Variants in NUMB observed in about 807,000 individuals in gnomAD.
The protein encoded by NUMB is protein numb homolog.
A neutral mutation model predicts 59.7 loss-of-function variants in NUMB; 29 were observed. That is an observed-to-expected ratio of 0.49 (90% CI 0.36 to 0.66). NUMB has a LOEUF of 0.66. Among genes scored for constraint, NUMB ranks in the 30% least tolerant of loss-of-function variants. The pLI, the probability that NUMB is intolerant of heterozygous loss-of-function variation, is 0.00. For synonymous variants in NUMB, 288 were observed against 288.2 expected, an observed-to-expected ratio of 1.00 and a Z score of 0.01; for missense variants, 723 against 822.0, an observed-to-expected ratio of 0.88 and a Z score of 1.47.
At position 73,355,742 on chromosome 14, in the gene NUMB, A is replaced by G; in HGVS notation, c.10T>C (p.Leu4=). The part of the protein sequence containing the change: MNK[L]RQSFRRKKDV... ...TTCTTTCTCCTAAAACTTTGCCGTA[A>G]TTTGTTCATTTTAATTTTTACAGCC... Residue 4 remains leucine (L), a synonymous_variant, in exon 4 of 13, where the codon TTA becomes CTA. Coordinates refer to ENST00000555238, the MANE Select transcript of NUMB (RefSeq NM_001005743.2). 1 of 1,611,404 alleles carries G rather than the reference A, an allele frequency of 6.2e-7. No homozygotes were observed. Among genetic ancestry groups the G allele is most frequent in the Non-Finnish European group, 8.5e-7 (1 of 1,178,312 alleles).
intron 4 of NUMB, among the ~76,000 whole-genome samples, chr14:73,332,499 T>C (rs928678736): frequency 2.0e-5 from 3 of 151,906 alleles, no homozygotes; most frequent in Non-Finnish European, 4.4e-5. Context: ...GATGATCAGA[T>C]GATCCATCCA....
intron 2 of NUMB, among the ~76,000 whole-genome samples, chr14:73,386,421 G>A (rs144898830): frequency 6.6e-6 from 1 of 152,024 alleles, no homozygotes; most frequent in African/African-American, 2.4e-5. Context: ...CACCACCAGA[G>A]AAAGAAGTTG....
At chr14:73,282,034 A>G (rs1392711546) in intron 11 of NUMB, among the ~76,000 whole-genome samples, 1 of 152,198 alleles carries the variant, frequency 6.6e-6, no homozygotes, top group African/African-American at 2.4e-5. Context: ...TCTGATGACT[A>G]CTGCTTTTGG....
chr14:73,309,468 G>A lies in NUMB; in HGVS notation c.234+6922C>T, dbSNP rs142250690. ...CCATCATTCTCAGCAAACTAACACA[G>A]GAACAGAAAACCAAATACCACCTGT... On this transcript the variant is annotated intron_variant, in intron 6 of 12. Transcript: ENST00000555238. Among the ~76,000 whole-genome samples, 22 of 152,062 alleles carry A rather than the reference G, an allele frequency of 1.4e-4. No individual in the cohort carries two copies. In the East Asian group the frequency reaches 4.2e-3, roughly 29 times the overall value.
intron 6 of NUMB, among the ~76,000 whole-genome samples, chr14:73,303,109 T>C (rs933852551): frequency 2.0e-5 from 3 of 151,782 alleles, no homozygotes; most frequent in African/African-American, 7.3e-5. Context: ...TCCCAGCTAC[T>C]TGGGAGGGTG....
chr14:73,403,910 T>C (rs1896535213), intron 2 of NUMB, among the ~76,000 whole-genome samples: 1 of 151,380 alleles, frequency 6.6e-6, no homozygotes, highest in Non-Finnish European at 1.5e-5. Flanking sequence ...CTGGCCAATA[T>C]GCTGAAACCC....
In NUMB at chr14:73,355,054, T is replaced by A. The variant is rs975016959; in HGVS notation, c.126+572A>T. 2.0e-5 allele frequency among the ~76,000 whole-genome samples: 3 copies of A among 152,154 alleles called. No individual in the cohort carries two copies. In the East Asian group the frequency reaches 5.8e-4, roughly 29 times the overall value. On this transcript the variant is annotated intron_variant, in intron 4 of 12. Transcript: ENST00000555238. ...TCTTTCATTTCACTAAAATATGACCTGTCTCAGGCAATACAAAGAAAAGCA... is the reference window on the plus strand; with the variant it reads ...TCTTTCATTTCACTAAAATATGACCAGTCTCAGGCAATACAAAGAAAAGCA...
chr14:73,456,431 G>C (rs886356318), intron 1 of NUMB, among the ~76,000 whole-genome samples: 2 of 152,138 alleles, frequency 1.3e-5, no homozygotes, highest in African/African-American at 4.8e-5. Flanking sequence ...TTAACTGTAA[G>C]AAATATATTT....
chr14:73,328,413 T>C lies in NUMB; in HGVS notation c.127-5209A>G, dbSNP rs144592351. On this transcript the variant is annotated intron_variant, in intron 4 of 12. Transcript: ENST00000555238. ...ATATCTTGGTTATTTCCGGTTTTGG[T>C]GATAATAAATAAAGCCATACTATTC... Among the ~76,000 whole-genome samples the C allele has an allele frequency of 1.1e-3, 171 of 152,230 alleles. 3 individuals carry two copies. The East Asian group carries it at 0.027, about 24-fold the overall frequency.
At chr14:73,429,146 C>T (rs1171314334) in intron 1 of NUMB, among the ~76,000 whole-genome samples, 21 of 151,550 alleles carry the variant, frequency 1.4e-4, no homozygotes, top group Admixed American at 2.0e-4. Context: ...CCGAGGCGGG[C>T]GGATCGCGAG....
intron 1 of NUMB, among the ~76,000 whole-genome samples, chr14:73,423,921 G>T (rs981418956): frequency 2.1e-5 from 3 of 145,002 alleles, no homozygotes; most frequent in Non-Finnish European, 4.5e-5. Flanking sequence ...AGCTGAGATT[G>T]CGCCATTGGA....
At chr14:73,277,900 AT>A (rs1342247182) in intron 12 of NUMB, among the ~76,000 whole-genome samples, 1 of 152,082 alleles carries the variant, frequency 6.6e-6, no homozygotes, top group African/African-American at 2.4e-5. Flanking sequence ...TCTACTAAAA[AT>A]ACAAAAATTA....
intron 1 of NUMB, among the ~76,000 whole-genome samples, chr14:73,452,434 C>T (rs1291473930): frequency 6.6e-6 from 1 of 152,000 alleles, no homozygotes; most frequent in Admixed American, 6.6e-5. Flanking sequence ...GCAGAAGGAT[C>T]ACCTGAGCCC....
rs138818294 is a variant in NUMB, at chr14:73,312,539, C to A, written c.234+3851G>T. On this transcript the variant is annotated intron_variant, in intron 6 of 12. Coordinates refer to ENST00000555238, the MANE Select transcript of NUMB (RefSeq NM_001005743.2). Reference sequence around the variant, plus strand: ...GACCAGCCTGGGCAACATGGTGAAACCCTGTCTCTACAAAAAACACAAAAA... The same window carrying A: ...GACCAGCCTGGGCAACATGGTGAAAACCTGTCTCTACAAAAAACACAAAAA... Among the ~76,000 whole-genome samples the A allele has an allele frequency of 4.5e-3, 692 of 152,190 alleles. 3 individuals are homozygous for A. Among genetic ancestry groups the A allele is most frequent in the African/African-American group, 0.016 (659 of 41,542 alleles).
At chr14:73,297,081 C>A (rs1339098603) in intron 7 of NUMB, 130 bp downstream of exon 7, 4 of 564,954 alleles carry the variant, frequency 7.1e-6, no homozygotes, top group Non-Finnish European at 1.3e-5. Context: ...GCAGGAGAAT[C>A]GCTTGAACCT....
intron 1 of NUMB, among the ~76,000 whole-genome samples, chr14:73,420,579 G>C (rs1044319360): frequency 3.3e-5 from 5 of 152,116 alleles, no homozygotes; most frequent in Non-Finnish European, 7.3e-5. Context: ...CAGCACTTTG[G>C]GATGCCAACG....
intron 7 of NUMB, among the ~76,000 whole-genome samples, chr14:73,293,767 T>G (rs1307387389): frequency 6.6e-6 from 1 of 152,250 alleles, no homozygotes; most frequent in Non-Finnish European, 1.5e-5. Context: ...ATTTCCTTTC[T>G]GTCACTGAGT....
At chr14:73,348,016 G>A (rs895731880) in intron 4 of NUMB, among the ~76,000 whole-genome samples, 2 of 152,124 alleles carry the variant, frequency 1.3e-5, no homozygotes, top group African/African-American at 4.8e-5. Context: ...AACTTCAAAA[G>A]GAACTCATTT....
At chr14:73,423,593 A>C (rs1437257544) in intron 1 of NUMB, among the ~76,000 whole-genome samples, 1 of 151,980 alleles carries the variant, frequency 6.6e-6, no homozygotes, top group Non-Finnish European at 1.5e-5. Context: ...GTGAGCCAAA[A>C]TCACGCCACT....
Sources: allele counts gnomAD v4.1 joint callset (sites outside exome capture counted in the v4.1 genomes callset), GRCh38; gene constraint gnomAD v4.1.1; transcripts MANE v1.5; gene names NCBI Gene and HGNC (gene_info 2026-07-23, HGNC 2026-07-21).